FTO: variants seen among roughly 807,000 people sequenced by gnomAD.
The protein encoded by FTO is alpha-ketoglutarate-dependent dioxygenase FTO.
In FTO, 47 loss-of-function variants were observed where a neutral mutation model predicts 63.9. That is an observed-to-expected ratio of 0.74 (90% CI 0.58 to 0.94). FTO has a LOEUF of 0.94. FTO is among the 40% of genes least tolerant of loss of function. The probability of loss-of-function intolerance (pLI) is 0.00; values close to 1 mark genes in which losing one functional copy is unlikely to be tolerated. For synonymous variants in FTO, 207 were observed against 224.4 expected (o/e 0.92, Z 0.69); for missense variants, 562 against 618.1 (o/e 0.91, Z 0.96).
chr16:53,703,995 TCTC>T, upstream of FTO: 2 of 672,266 alleles, frequency 3.0e-6, no homozygotes, highest in Admixed American at 4.4e-5. Flanking sequence ...CCTGGGAAAT[TCTC>T]CTGTGCTAAA....
intron 8 of FTO, among the ~76,000 whole-genome samples, chr16:54,101,003 G>A (rs1262359156): frequency 6.6e-6 from 1 of 152,144 alleles, no homozygotes; most frequent in South Asian, 2.1e-4. Context: ...AAACCAGCAA[G>A]GGGCTCTTGC....
intron 7 of FTO, among the ~76,000 whole-genome samples, chr16:53,927,628 G>A (rs1165931689): frequency 6.6e-6 from 1 of 152,092 alleles, no homozygotes; most frequent in Non-Finnish European, 1.5e-5. Flanking sequence ...ATGACCTTGG[G>A]ATAACAACAG....
intron 4 of FTO, among the ~76,000 whole-genome samples, chr16:53,856,094 AT>A (rs397798395): frequency 0.026 from 3,861 of 146,798 alleles, 63 homozygotes; most frequent in Middle Eastern, 0.049. Flanking sequence ...GCTATAGAAA[AT>A]TTTTTTTTTT....
At chr16:53,766,521 C>T (rs1221364576) in intron 1 of FTO, among the ~76,000 whole-genome samples, 1 of 152,130 alleles carries the variant, frequency 6.6e-6, no homozygotes, top group East Asian at 1.9e-4. Flanking sequence ...CTGCCCTGGC[C>T]TGAGCAACTA....
intron 8 of FTO, chr16:53,998,666 A>G (rs1165034605): frequency 1.3e-5 from 2 of 152,206 alleles, no homozygotes; most frequent in African/African-American, 4.8e-5. Flanking sequence ...AGTTGGCTCT[A>G]TTCTTATGTT....
At chr16:54,009,621 C>T (rs577723391) in intron 8 of FTO, among the ~76,000 whole-genome samples, 67 of 152,278 alleles carry the variant, frequency 4.4e-4, no homozygotes, top group African/African-American at 1.5e-3. Context: ...TCCCAAGAGC[C>T]CGGTTCCCAG....
intron 1 of FTO, among the ~76,000 whole-genome samples, chr16:53,789,139 T>C (rs1014856566): frequency 1.3e-5 from 2 of 152,224 alleles, no homozygotes; most frequent in African/African-American, 4.8e-5. Context: ...GATTGAATTT[T>C]ATGGATGAGA....
chr16:53,711,449 T>C (rs564070241), intron 1 of FTO: 1 of 398,594 alleles, frequency 2.5e-6, no homozygotes, highest in Non-Finnish European at 4.4e-6. Context: ...TGGCTGTCCA[T>C]GGAAGGTAAG....
intron 4 of FTO, among the ~76,000 whole-genome samples, chr16:53,868,978 T>C (rs954040807): frequency 5.9e-5 from 9 of 152,016 alleles, no homozygotes; most frequent in African/African-American, 2.2e-4. Flanking sequence ...ATTACAGGTG[T>C]GTGCCACTGC....
intron 8 of FTO, among the ~76,000 whole-genome samples, chr16:53,948,544 G>A (rs1310648673): frequency 6.6e-6 from 1 of 152,256 alleles, no homozygotes; most frequent in Non-Finnish European, 1.5e-5. Flanking sequence ...CTCCTGGCCA[G>A]CGGACATTCA....
intron 1 of FTO, among the ~76,000 whole-genome samples, chr16:53,732,715 C>T (rs2076301720): frequency 6.6e-6 from 1 of 152,112 alleles, no homozygotes; most frequent in African/African-American, 2.4e-5. Context: ...TGTTACCGCT[C>T]ATAATAACAG....
intron 8 of FTO, among the ~76,000 whole-genome samples, chr16:54,087,354 C>T (rs756630601): frequency 4.6e-5 from 7 of 152,112 alleles, no homozygotes; most frequent in Non-Finnish European, 1.0e-4. Context: ...GTAAATGGTC[C>T]TTTACTCTTC....
At chr16:54,105,418 A>G (rs2086729005) in intron 8 of FTO, among the ~76,000 whole-genome samples, 1 of 152,226 alleles carries the variant, frequency 6.6e-6, no homozygotes, top group Non-Finnish European at 1.5e-5. Flanking sequence ...CCAAATGGAA[A>G]TCCATGAAAA....
At chr16:53,745,960 T>C (rs2076641022) in intron 1 of FTO, among the ~76,000 whole-genome samples, 1 of 151,646 alleles carries the variant, frequency 6.6e-6, no homozygotes, top group Non-Finnish European at 1.5e-5. Flanking sequence ...TGGGTGGTTA[T>C]ATACTTATAC....
chr16:54,081,053 G>A (rs2086127797), intron 8 of FTO, among the ~76,000 whole-genome samples: 1 of 152,140 alleles, frequency 6.6e-6, no homozygotes, highest in Non-Finnish European at 1.5e-5. Flanking sequence ...TGTGCTTTAT[G>A]CCTAAAAAGG....
chr16:54,095,383 C>G (rs1438148662), intron 8 of FTO, among the ~76,000 whole-genome samples: 1 of 151,986 alleles, frequency 6.6e-6, no homozygotes, highest in Non-Finnish European at 1.5e-5. Context: ...TTCCCCAGGA[C>G]AAGCGTCCAT....
chr16:53,934,017 G>A lies in FTO; in HGVS notation c.1272G>A (p.Glu424=), dbSNP rs921501060. The A allele has an allele frequency of 6.2e-7, 1 of 1,613,974 alleles. No individual in the cohort carries two copies. Among genetic ancestry groups the A allele is most frequent in the Non-Finnish European group, 8.5e-7 (1 of 1,179,902 alleles). Residue 424 remains glutamate, a synonymous_variant, in exon 8 of 9, where the codon GAG becomes GAA. Coordinates refer to ENST00000471389, the MANE Select transcript of FTO (RefSeq NM_001080432.3). Reference sequence around the variant, plus strand: ...CTGTGCTTCATGAAGTTAAAAGAGAGGGGCTCCCCGTGGAACAAAGGAATG... The same window carrying A: ...CTGTGCTTCATGAAGTTAAAAGAGAAGGGCTCCCCGTGGAACAAAGGAATG... ...TNAVLHEVKR[E]GLPVEQRNEI... is the part of the protein sequence containing the mutation.
chr16:54,099,051 T>A (rs1345683864), intron 8 of FTO, among the ~76,000 whole-genome samples: 1 of 152,180 alleles, frequency 6.6e-6, no homozygotes. Flanking sequence ...AAGGGTTATC[T>A]TTTCTCAATC....
intron 4 of FTO, among the ~76,000 whole-genome samples, chr16:53,869,252 G>C (rs1598869126): frequency 1.3e-5 from 2 of 151,934 alleles, no homozygotes. Context: ...CCTCGTTTCT[G>C]AGGAAACGTC....
Sources: gnomAD v4.1 joint callset for allele counts (sites outside exome capture counted in the v4.1 genomes callset) on GRCh38, gnomAD v4.1.1 for gene constraint, MANE v1.5 for transcripts, NCBI Gene and HGNC (gene_info 2026-07-23, HGNC 2026-07-21) for gene names.